LYRM7: variants seen among roughly 807,000 people sequenced by gnomAD.
LYRM7 encodes the protein LYR motif containing 7, also known as complex III assembly factor LYRM7.
A neutral mutation model predicts 15.8 loss-of-function variants in LYRM7; 9 were observed. The observed-to-expected ratio is 0.57, with a 90% CI of 0.34 to 0.99. LYRM7 has a LOEUF of 0.99. Ranked by LOEUF, LYRM7 falls within the 50% of genes least tolerant of loss-of-function variation. LYRM7 has a pLI of 0.02. For synonymous variants in LYRM7, 39 were observed against 39.4 expected (o/e 0.99, Z 0.04); for missense variants, 115 against 119.1 (o/e 0.97, Z 0.16).
chr5:131,195,319 C>T (rs1304916327), intron 4 of LYRM7, among the ~76,000 whole-genome samples: 1 of 151,928 alleles, frequency 6.6e-6, no homozygotes, highest in Non-Finnish European at 1.5e-5. Context: ...AGGTTGAATG[C>T]AGATTAAGCT....
chr5:131,180,130 A>G lies in LYRM7; in HGVS notation c.54A>G (p.Arg18=), dbSNP rs745732132. The change falls in exon 2 of 5, where the codon AGA becomes AGG. Residue 18 remains arginine (R), a synonymous_variant. Transcript: ENST00000379380. ...LQLFKTLHRT[R]QQVFKNDARA... ...TCTTTAAAACACTGCACAGGACCAG[A>G]CAACAAGTTTTTAAAAATGATGCCA... The G allele has an allele frequency of 1.9e-6, 3 of 1,613,166 alleles. No homozygotes were observed. The highest frequency in any genetic ancestry group is 2.5e-6 in the Non-Finnish European group (3 of 1,179,336).
rs970890294 is a variant in LYRM7 at position 131,170,987 on chromosome 5, T to G, written c.-34T>G. The G allele has an allele frequency of 3.3e-6, 5 of 1,537,622 alleles. No individual in the cohort carries two copies. In the Admixed American group the frequency reaches 1.1e-4, roughly 34 times the overall value. On this transcript the variant is annotated 5_prime_UTR_variant, in exon 1 of 5. Transcript: ENST00000379380. Reference sequence around the variant, plus strand: ...TTGCTGAGAGGCGGGGCTACTCGACTGCTCTGGAGGTAGCGGCCGCGGTGA... The same window carrying G: ...TTGCTGAGAGGCGGGGCTACTCGACGGCTCTGGAGGTAGCGGCCGCGGTGA...
Position 131,204,116 on chromosome 5 carries a change from A to G in LYRM7, c.*4515A>G, listed in dbSNP as rs999651050. On this transcript the variant is annotated 3_prime_UTR_variant, in exon 5 of 5. Coordinates refer to ENST00000379380, the MANE Select transcript of LYRM7 (RefSeq NM_181705.4). ...TTGTTTCTTTGGGTTTTTTTTTTTT[A>G]GAGACAAGATCTCTCCGTGTTGTCT... is the stretch of plus-strand genomic sequence containing the variant. 8.8e-5 allele frequency: 13 copies of G among 147,574 alleles called. No homozygotes were observed. Among genetic ancestry groups the G allele is most frequent in the African/African-American group, 3.0e-4 (12 of 39,756 alleles). The allele number at this position is 147,574 out of a possible 1,614,324, so 9.1% of individuals were successfully genotyped here.
chr5:131,186,029 T>C (rs1755790263), intron 3 of LYRM7, among the ~76,000 whole-genome samples: 1 of 152,216 alleles, frequency 6.6e-6, no homozygotes. Flanking sequence ...TCTGTAAAGG[T>C]AAAAAATGGT....
At chr5:131,188,860 T>C (rs1438367645) in intron 4 of LYRM7, among the ~76,000 whole-genome samples, 1 of 152,114 alleles carries the variant, frequency 6.6e-6, no homozygotes, top group Non-Finnish European at 1.5e-5. Flanking sequence ...AAAAGCTTTA[T>C]TGTAGGCTGG....
intron 2 of LYRM7, among the ~76,000 whole-genome samples, chr5:131,181,906 G>A (rs1048445239): frequency 6.6e-6 from 1 of 152,016 alleles, no homozygotes; most frequent in African/African-American, 2.4e-5. Context: ...GAAATCCTTA[G>A]ATTTGTAAAA....
chr5:131,199,617 A>T lies in LYRM7; in HGVS notation c.*16A>T. ...GAAGCAATGAGTTTTCTAGAATACA[A>T]CAAGTCTTTGTACTTTTTAACTTTA... On this transcript the variant is annotated 3_prime_UTR_variant, in exon 5 of 5. Coordinates refer to ENST00000379380, the MANE Select transcript of LYRM7 (RefSeq NM_181705.4). The T allele has an allele frequency of 6.4e-7, 1 of 1,570,062 alleles. No individual in the cohort carries two copies. The highest frequency in any genetic ancestry group is 8.7e-7 in the Non-Finnish European group (1 of 1,154,318).
intron 4 of LYRM7, among the ~76,000 whole-genome samples, chr5:131,189,070 T>A (rs1052726258): frequency 6.6e-6 from 1 of 151,316 alleles, no homozygotes; most frequent in East Asian, 1.9e-4. Flanking sequence ...CACTTGAATG[T>A]GGGAGGCAGA....
chr5:131,187,366 TA>T (rs1239103306), intron 4 of LYRM7, among the ~76,000 whole-genome samples: 1 of 152,210 alleles, frequency 6.6e-6, no homozygotes, highest in African/African-American at 2.4e-5. Context: ...TACAACTATA[TA>T]TTTTTATCAT....
intron 4 of LYRM7, among the ~76,000 whole-genome samples, chr5:131,188,931 G>A (rs1250351047): frequency 2.0e-5 from 3 of 149,142 alleles, no homozygotes; most frequent in African/African-American, 7.4e-5. Context: ...TGGATCACTT[G>A]AGGTCAGGAG....
intron 4 of LYRM7, among the ~76,000 whole-genome samples, chr5:131,191,537 C>T (rs1255408402): frequency 1.3e-5 from 2 of 152,118 alleles, no homozygotes; most frequent in African/African-American, 4.8e-5. Flanking sequence ...TGAATCCCAG[C>T]AGGAACTCTT....
chr5:131,176,052 A>T (rs1261697603), intron 1 of LYRM7, among the ~76,000 whole-genome samples: 1 of 152,164 alleles, frequency 6.6e-6, no homozygotes, highest in African/African-American at 2.4e-5. Flanking sequence ...GAGCCACTGC[A>T]TCAGCCTGCG....
chr5:131,174,824 A>G (rs535467141), intron 1 of LYRM7, among the ~76,000 whole-genome samples: 4 of 152,264 alleles, frequency 2.6e-5, no homozygotes, highest in African/African-American at 4.8e-5. Context: ...AGCCTGGGTG[A>G]CAGAACAAGG....
chr5:131,194,040 A>G (rs1315645450), intron 4 of LYRM7, among the ~76,000 whole-genome samples: 4 of 152,098 alleles, frequency 2.6e-5, no homozygotes, highest in African/African-American at 9.7e-5. Flanking sequence ...TTTTATTGAT[A>G]TATCTAATAT....
At chr5:131,196,425 C>T (rs1755966525) in intron 4 of LYRM7, among the ~76,000 whole-genome samples, 3 of 151,980 alleles carry the variant, frequency 2.0e-5, no homozygotes, top group South Asian at 2.1e-4. Flanking sequence ...CTATATAAAC[C>T]GTGTCTATTC....
intron 3 of LYRM7, among the ~76,000 whole-genome samples, chr5:131,184,130 C>G (rs1222388778): frequency 6.6e-6 from 1 of 152,004 alleles, no homozygotes; most frequent in African/African-American, 2.4e-5. Context: ...CTACCACACC[C>G]AGCTAATTTT....
intron 3 of LYRM7, among the ~76,000 whole-genome samples, chr5:131,186,674 T>G (rs1218526182): frequency 6.6e-6 from 1 of 152,204 alleles, no homozygotes; most frequent in Non-Finnish European, 1.5e-5. Context: ...GTGGCAACAG[T>G]CAATCTTGAT....
In LYRM7 at chr5:131,200,772, A is replaced by C. The variant is rs1165689638; in HGVS notation, c.*1171A>C. 1 of 152,288 alleles carries C rather than the reference A, an allele frequency of 6.6e-6. No homozygotes were observed. Among genetic ancestry groups the C allele is most frequent in the African/African-American group, 2.4e-5 (1 of 41,444 alleles). 9.4% of individuals were successfully genotyped at this position (152,288 alleles called of 1,614,324 possible). ...TATATAAATGTGCTGACTTACAGTT[A>C]TTTTAGTGTCTATATGACATATTTT... On this transcript the variant is annotated 3_prime_UTR_variant, in exon 5 of 5. Transcript: ENST00000379380.
intron 4 of LYRM7, among the ~76,000 whole-genome samples, chr5:131,194,720 A>T (rs554823790): frequency 3.9e-5 from 6 of 152,286 alleles, no homozygotes; most frequent in African/African-American, 1.4e-4. Flanking sequence ...CCATGAGGGT[A>T]AAAATGGCAG....
Sources: gnomAD v4.1 joint callset for allele counts (sites outside exome capture counted in the v4.1 genomes callset) on GRCh38, gnomAD v4.1.1 for gene constraint, MANE v1.5 for transcripts, NCBI Gene and HGNC (gene_info 2026-07-23, HGNC 2026-07-21) for gene names.